The following PLEKHG6 variants were observed in gnomAD, a reference collection of about 807,000 sequenced individuals.
PLEKHG6 encodes the protein pleckstrin homology and RhoGEF domain containing G6, also known as pleckstrin homology domain-containing family G member 6.
PLEKHG6 carries 91 observed loss-of-function variants against 97.5 expected under a neutral mutation model. The ratio of observed to expected loss-of-function variants is 0.93; its 90% confidence interval spans 0.79 to 1.11. PLEKHG6 has a LOEUF of 1.11. PLEKHG6 is among the 50% of genes most tolerant of loss of function. The pLI is 0.00. For missense variants in PLEKHG6, 1,044 were observed against 1,031.0 expected (o/e 1.01, Z -0.17); for synonymous variants, 466 against 425.5 (o/e 1.10, Z -1.17).
At position 6,327,670 on chromosome 12, in the gene PLEKHG6, C is replaced by A; in HGVS notation, c.2087C>A (p.Ser696Tyr). 6.4e-7 allele frequency: 1 copy of A among 1,558,634 alleles called. No homozygotes were observed. The highest frequency in any genetic ancestry group is 8.7e-7 in the Non-Finnish European group (1 of 1,147,978). Residue 696 changes from serine to tyrosine, a missense_variant, in exon 15 of 16, where the codon TCC (serine) becomes TAC (tyrosine). Physicochemically the swap from Ser to Tyr is moderately radical, Grantham distance 144. Transcript: ENST00000684764. ...HRARLRGQLP[S>Y]SPTHADSAGE... ...GCCCGGCTTCGGGGCCAGCTTCCCT[C>A]CTCCCCAACCCATGCTGACTCTGCC...
intron 7 of PLEKHG6, 77 bp from the exon 8 acceptor site, chr12:6,317,226 T>C: frequency 1.1e-6 from 1 of 928,752 alleles, no homozygotes; most frequent in Non-Finnish European, 1.8e-6. Flanking sequence ...CACCTGCTCC[T>C]GGGTCCTGCA....
Position 6,327,494 on chromosome 12 carries a change from C to T in PLEKHG6, c.1911C>T (p.Asp637=), listed in dbSNP as rs372349378. ...TCCCTCTGCGTCCCCACCCTCCCGA[C>T]CCCCAAGCTCCTCAACGCCGAAGCG... ...RDIPLRPHPP[D]PQAPQRRSAP... The change falls in exon 15 of 16, where the codon GAC becomes GAT. Residue 637 remains aspartate, a synonymous_variant. Transcript: ENST00000684764. The T allele has an allele frequency of 2.0e-4, 327 of 1,609,634 alleles. No homozygotes were observed. The highest frequency in any genetic ancestry group is 2.7e-4 in the Non-Finnish European group (313 of 1,177,760).
At chr12:6,328,003 G>C (rs1038331099) in intron 15 of PLEKHG6, 57 bp downstream of exon 15, 2 of 1,510,018 alleles carry the variant, frequency 1.3e-6, no homozygotes, top group East Asian at 2.3e-5. Context: ...TCTGTATGGT[G>C]GTGGGGTGTA....
intron 2 of PLEKHG6, chr12:6,313,101 G>A (rs1295292602): frequency 6.5e-7 from 1 of 1,535,726 alleles, no homozygotes; most frequent in Admixed American, 2.0e-5. Flanking sequence ...CTGTGTGGCT[G>A]TGGCTTCAGC....
In PLEKHG6 at chr12:6,327,400, G is replaced by T. The variant is rs1355236074; in HGVS notation, c.1817G>T (p.Ser606Ile). The change falls in exon 15 of 16, where the codon AGC becomes ATC. Residue 606 changes from serine to isoleucine, a missense_variant. Ser to Ile is a moderately radical substitution (Grantham distance 142). Coordinates refer to ENST00000684764, the MANE Select transcript of PLEKHG6 (RefSeq NM_001384598.1). ...CCCACGGGGTCCCGCTCCCCACTGA[G>T]CCGTCTACGCCAAAGAGCCCTTCGG... ...GTPTGSRSPL[S>I]RLRQRALRRD... 1 of 1,614,098 alleles carries T rather than the reference G, an allele frequency of 6.2e-7. No homozygotes were observed. The highest frequency in any genetic ancestry group is 1.1e-5 in the South Asian group (1 of 91,086).
At position 6,320,148 on chromosome 12, in the gene PLEKHG6, G is replaced by A. The variant is rs151092362; in HGVS notation, c.1524+1040G>A. ...CGCAGCAGGGAGAGGCTAGGGGGTAGGTGCCACCAGGTCATGCCCATCTCT... is the reference window on the plus strand; with the variant it reads ...CGCAGCAGGGAGAGGCTAGGGGGTAAGTGCCACCAGGTCATGCCCATCTCT... On this transcript the variant is annotated intron_variant, in intron 13 of 15. Coordinates refer to ENST00000684764, the MANE Select transcript of PLEKHG6 (RefSeq NM_001384598.1). Among the ~76,000 whole-genome samples, 1,214 of 152,310 alleles carry A rather than the reference G, an allele frequency of 8.0e-3. 8 individuals are homozygous for A. The highest frequency in any genetic ancestry group is 0.012 in the Non-Finnish European group (807 of 68,014).
In PLEKHG6 at chr12:6,327,471, C is replaced by G; in HGVS notation, c.1888C>G (p.Pro630Ala). 6.2e-7 allele frequency: 1 copy of G among 1,611,942 alleles called. No homozygotes were observed. ...CTCCACCCTGGAACTCCGGGACATC[C>G]CTCTGCGTCCCCACCCTCCCGACCC... is the stretch of plus-strand genomic sequence containing the variant. ...TFSTLELRDI[P>A]LRPHPPDPQA... The change falls in exon 15 of 16, where the codon CCT becomes GCT. Residue 630 changes from proline (P) to alanine (A), a missense_variant. Coordinates refer to ENST00000684764, the MANE Select transcript of PLEKHG6 (RefSeq NM_001384598.1).
chr12:6,326,325 A>C, intron 13 of PLEKHG6, 103 bp from the exon 14 acceptor site: 1 of 637,362 alleles, frequency 1.6e-6, no homozygotes, highest in South Asian at 2.4e-5. Context: ...AATAATAATA[A>C]AATAAAATAA....
rs1217318127 is a variant in PLEKHG6, at chr12:6,312,212, C to T, written c.-15C>T. 6.8e-7 allele frequency: 1 copy of T among 1,480,996 alleles called. No homozygotes were observed. Among genetic ancestry groups the T allele is most frequent in the South Asian group, 1.4e-5 (1 of 69,202 alleles). 91.7% of individuals were successfully genotyped at this position (1,480,996 alleles called of 1,614,324 possible). ...TGAAGATATGGCCCTTTGGAGGTGA[C>T]CCAGGAGAGAAGGGATGAAGGCCTT... On this transcript the variant is annotated 5_prime_UTR_variant, in exon 2 of 16. Coordinates refer to ENST00000684764, the MANE Select transcript of PLEKHG6 (RefSeq NM_001384598.1).
In PLEKHG6 at chr12:6,311,950, G is replaced by C. The variant is rs372568171; in HGVS notation, c.-68-209G>C. ...GAGAGAGGAGGTACATCTCCAAGGGGCTTCCTACCCAATATGTACCTGGAC... is the reference window on the plus strand; with the variant it reads ...GAGAGAGGAGGTACATCTCCAAGGGCCTTCCTACCCAATATGTACCTGGAC... On this transcript the variant is annotated intron_variant, in intron 1 of 15. Transcript: ENST00000684764. 1.6e-4 allele frequency among the ~76,000 whole-genome samples: 25 copies of C among 152,216 alleles called. No individual in the cohort carries two copies. The East Asian group carries it at 2.1e-3, about 13-fold the overall frequency.
chr12:6,312,398 T>G, intron 2 of PLEKHG6, 34 bp downstream of exon 2: 2 of 1,556,288 alleles, frequency 1.3e-6, no homozygotes, highest in East Asian at 4.9e-5. Flanking sequence ...AGTGACCTGG[T>G]GGGGCAGGAG....
Position 6,316,315 on chromosome 12 carries a change from T to G in PLEKHG6, c.667T>G (p.Trp223Gly). Residue 223 changes from tryptophan to glycine, a missense_variant, in exon 7 of 16, where the codon TGG becomes GGG. Transcript: ENST00000684764. The surrounding 1 kb of genome is among the most constrained non-coding windows in gnomAD (Gnocchi z 4.1). ...PSLIRTHRSF[W>G]DEVLGPTLEE... Reference sequence around the variant, plus strand: ...CCTGATTCGAACCCACCGGAGCTTTTGGGATGAGGTGCTGGGGCCCACCCT... The same window carrying G: ...CCTGATTCGAACCCACCGGAGCTTTGGGGATGAGGTGCTGGGGCCCACCCT... 1 of 1,558,082 alleles carries G rather than the reference T, an allele frequency of 6.4e-7. No individual in the cohort carries two copies. Among genetic ancestry groups the G allele is most frequent in the Non-Finnish European group, 8.7e-7 (1 of 1,150,098 alleles).
In PLEKHG6 at chr12:6,316,548, C is replaced by A. The variant is rs949727528; in HGVS notation, c.756+144C>A. On this transcript the variant is annotated intron_variant, in intron 7 of 15. Transcript: ENST00000684764. The surrounding 1 kb of genome is among the most constrained non-coding windows in gnomAD (Gnocchi z 4.1). The stretch of plus-strand genomic sequence containing the variant: ...GCCCCTACCCCTAATATCACCTCAC[C>A]TCCTCCCTTCATGCCACAAGTCTGA... The A allele has an allele frequency of 1.5e-6, 1 of 685,702 alleles. No homozygotes were observed. Among genetic ancestry groups the A allele is most frequent in the Non-Finnish European group, 2.3e-6 (1 of 441,612 alleles). The allele number at this position is 685,702 out of a possible 1,614,324, so 42.5% of individuals were successfully genotyped here.
rs1947864887 is a variant in PLEKHG6 at position 6,326,579 on chromosome 12, G to T, written c.1670+6G>T. 1.3e-6 allele frequency: 2 copies of T among 1,489,824 alleles called. No individual in the cohort carries two copies. The highest frequency in any genetic ancestry group is 1.8e-6 in the Non-Finnish European group (2 of 1,123,140). The allele number at this position is 1,489,824 out of a possible 1,614,324, so 92.3% of individuals were successfully genotyped here. A position where few individuals can be genotyped will look rare whatever the true frequency, so the allele number is the denominator to read the frequency against. On this transcript the variant is annotated splice_donor_region_variant and intron_variant, in intron 14 of 15. Transcript: ENST00000684764. The stretch of plus-strand genomic sequence containing the variant: ...CAGAGCAGCGCAGAGGGGAGGTAAG[G>T]CTCACACGGACTACAAGGTCTCCCC...
In PLEKHG6 at chr12:6,317,850, C is replaced by T; in HGVS notation, c.1018-7C>T. Reference sequence around the variant, plus strand: ...GTCCCTCCTCCCACACCCCCAACCCCACCTAGATTGAAGCCGTGGAGTCAT... The same window carrying T: ...GTCCCTCCTCCCACACCCCCAACCCTACCTAGATTGAAGCCGTGGAGTCAT... On this transcript the variant is annotated splice_polypyrimidine_tract_variant and splice_region_variant and intron_variant, in intron 9 of 15. Coordinates refer to ENST00000684764, the MANE Select transcript of PLEKHG6 (RefSeq NM_001384598.1). The T allele has an allele frequency of 2.6e-6, 4 of 1,551,250 alleles. No homozygotes were observed. The highest frequency in any genetic ancestry group is 3.5e-6 in the Non-Finnish European group (4 of 1,146,372).
intron 2 of PLEKHG6, chr12:6,313,186 T>C (rs1947332684): frequency 1.3e-6 from 2 of 1,549,916 alleles, no homozygotes; most frequent in Non-Finnish European, 1.7e-6. Context: ...AGGCTGCACA[T>C]GTGAGTGCCC....
intron 13 of PLEKHG6, chr12:6,319,819 AGG>A (rs2136761719): frequency 1.5e-6 from 1 of 670,828 alleles, no homozygotes; most frequent in East Asian, 2.8e-5. Flanking sequence ...CTCAAGGCCT[AGG>A]TGCTGCAGCC....
chr12:6,314,732 A>C (rs952984208), intron 3 of PLEKHG6, among the ~76,000 whole-genome samples: 6 of 152,080 alleles, frequency 3.9e-5, no homozygotes, highest in African/African-American at 1.4e-4. Flanking sequence ...AGCCTAGATC[A>C]GACCCCTCTC....
intron 11 of PLEKHG6, 85 bp from the exon 12 acceptor site, chr12:6,318,660 G>C: frequency 6.9e-7 from 1 of 1,453,236 alleles, no homozygotes; most frequent in South Asian, 1.2e-5. Flanking sequence ...GTGTGCCTGC[G>C]CACCATGCCT....
Sources: allele counts gnomAD v4.1 joint callset (sites outside exome capture counted in the v4.1 genomes callset), GRCh38; gene constraint gnomAD v4.1.1; non-coding constraint Gnocchi (gnomAD v3.1); transcripts MANE v1.5; gene names NCBI Gene and HGNC (gene_info 2026-07-23, HGNC 2026-07-21).